Variants in UMAD1 observed in about 807,000 individuals in gnomAD.
UMAD1 encodes UBAP1-MVB12-associated (UMA)-domain containing protein 1.
UMAD1 carries 8 observed loss-of-function variants against 6.1 expected under a neutral mutation model. The observed-to-expected ratio is 1.30, with a 90% confidence interval of 0.76 to 2.35. UMAD1 has a LOEUF of 2.35. Ranked by LOEUF, UMAD1 falls within the 30% of genes most tolerant of loss-of-function variation. The pLI is 0.00. For missense variants in UMAD1, 130 were observed against 78.4 expected, an observed-to-expected ratio of 1.66 and a Z score of -2.49; for synonymous variants, 56 against 31.4, an observed-to-expected ratio of 1.78 and a Z score of -2.61.
intron 3 of UMAD1, among the ~76,000 whole-genome samples, chr7:7,810,795 ACAGT>A (rs753561582): frequency 5.3e-5 from 8 of 152,212 alleles, no homozygotes; most frequent in African/African-American, 9.6e-5. Context: ...AAATAGTGAA[ACAGT>A]CGGTCTGTTG....
chr7:7,760,412 A>AAATAATAATAATAAT (rs71014709), intron 2 of UMAD1, among the ~76,000 whole-genome samples: 6 of 142,704 alleles, frequency 4.2e-5, no homozygotes, highest in South Asian at 2.2e-4. Flanking sequence ...AAAAAATACA[A>AAATAATAATAATAAT]AATAATAATA....
chr7:7,657,938 C>A (rs1223183793), intron 1 of UMAD1, among the ~76,000 whole-genome samples: 1 of 152,154 alleles, frequency 6.6e-6, no homozygotes, highest in Non-Finnish European at 1.5e-5. Context: ...TTCTTCCTAT[C>A]CATGAGCATG....
At chr7:7,835,479 T>C (rs1783550081) in intron 3 of UMAD1, among the ~76,000 whole-genome samples, 2 of 71,418 alleles carry the variant, frequency 2.8e-5, no homozygotes, top group African/African-American at 5.5e-5. Flanking sequence ...TTTTTTTTTT[T>C]TTTTTTTTTT....
intron 2 of UMAD1, among the ~76,000 whole-genome samples, chr7:7,723,470 G>T (rs898973877): frequency 2.0e-5 from 3 of 152,148 alleles, no homozygotes; most frequent in African/African-American, 4.8e-5. Flanking sequence ...AATCTCCCTT[G>T]GTTTAATGTA....
At chr7:7,814,040 GT>G (rs1783076632) in intron 3 of UMAD1, among the ~76,000 whole-genome samples, 1 of 151,846 alleles carries the variant, frequency 6.6e-6, no homozygotes, top group Non-Finnish European at 1.5e-5. Context: ...CTGGAGCACA[GT>G]GGCGTGATCT....
At chr7:7,816,958 CT>C (rs1047112148) in intron 3 of UMAD1, among the ~76,000 whole-genome samples, 3 of 152,230 alleles carry the variant, frequency 2.0e-5, no homozygotes, top group African/African-American at 7.2e-5. Flanking sequence ...CTTCAGCTGC[CT>C]GTAGGATAAA....
chr7:7,805,499 C>G (rs991442163), intron 3 of UMAD1, among the ~76,000 whole-genome samples: 3 of 152,154 alleles, frequency 2.0e-5, no homozygotes, highest in Admixed American at 6.5e-5. Context: ...ACCCCTTTTA[C>G]TAGGGCCCCA....
intron 2 of UMAD1, among the ~76,000 whole-genome samples, chr7:7,699,100 C>T (rs1780393231): frequency 6.6e-6 from 1 of 151,760 alleles, no homozygotes; most frequent in Non-Finnish European, 1.5e-5. Flanking sequence ...TGATCTTTGC[C>T]TGCCTTGGCT....
chr7:7,794,631 A>G (rs1782637332), intron 2 of UMAD1, among the ~76,000 whole-genome samples: 1 of 152,204 alleles, frequency 6.6e-6, no homozygotes, highest in South Asian at 2.1e-4. Flanking sequence ...TCTTTGTAGC[A>G]GTAAGATACC....
At chr7:7,665,869 A>C (rs1278725188) in intron 1 of UMAD1, among the ~76,000 whole-genome samples, 1 of 144,352 alleles carries the variant, frequency 6.9e-6, no homozygotes, top group Non-Finnish European at 1.5e-5. Flanking sequence ...ATGTATCACT[A>C]TTTTGTTTCC....
Position 7,780,824 on chromosome 7 carries a change from T to C in UMAD1, c.83-20846T>C, listed in dbSNP as rs574468693. On this transcript the variant is annotated intron_variant, in intron 2 of 3. Coordinates refer to ENST00000682710, the MANE Select transcript of UMAD1 (RefSeq NM_001302348.2). ...GTTTGTTATTCTCACTGTTATATGA[T>C]ATTATATTGTGTGTTTATGCATTAA... is the stretch of plus-strand genomic sequence containing the variant. Among the ~76,000 whole-genome samples, 18 of 152,356 alleles carry C rather than the reference T, an allele frequency of 1.2e-4. No homozygotes were observed. The East Asian group carries it at 3.5e-3, about 29-fold the overall frequency.
chr7:7,757,484 T>C (rs1476237811), intron 2 of UMAD1, among the ~76,000 whole-genome samples: 1 of 152,256 alleles, frequency 6.6e-6, no homozygotes, highest in Non-Finnish European at 1.5e-5. Flanking sequence ...TTGTGCTGTG[T>C]TGCAGAAGGA....
At chr7:7,783,061 A>G (rs1426418072) in intron 2 of UMAD1, among the ~76,000 whole-genome samples, 1 of 152,196 alleles carries the variant, frequency 6.6e-6, no homozygotes, top group Non-Finnish European at 1.5e-5. Context: ...GTGGACCTAC[A>G]TACTCACTGG....
At chr7:7,791,007 C>T (rs906611336) in intron 2 of UMAD1, among the ~76,000 whole-genome samples, 1 of 152,214 alleles carries the variant, frequency 6.6e-6, no homozygotes, top group African/African-American at 2.4e-5. Context: ...CCTCCTGTCT[C>T]AGCCCCCAAG....
intron 2 of UMAD1, among the ~76,000 whole-genome samples, chr7:7,774,443 T>C (rs1782161165): frequency 6.6e-6 from 1 of 152,176 alleles, no homozygotes; most frequent in South Asian, 2.1e-4. Flanking sequence ...CCTCACTTTC[T>C]GTTTCTTCAT....
intron 2 of UMAD1, among the ~76,000 whole-genome samples, chr7:7,733,654 C>T (rs1781296794): frequency 1.3e-5 from 2 of 149,156 alleles, no homozygotes; most frequent in South Asian, 4.4e-4. Flanking sequence ...CCAGTCATGT[C>T]AATTGAAGTT....
intron 2 of UMAD1, among the ~76,000 whole-genome samples, chr7:7,737,550 A>C (rs1781385066): frequency 6.6e-6 from 1 of 152,208 alleles, no homozygotes; most frequent in Non-Finnish European, 1.5e-5. Flanking sequence ...AGCATGAATG[A>C]AGAACTTAAC....
intron 2 of UMAD1, among the ~76,000 whole-genome samples, chr7:7,778,263 T>TGAGAGAGA (rs1342531151): frequency 3.3e-4 from 45 of 135,864 alleles, no homozygotes; most frequent in African/African-American, 1.3e-3. Flanking sequence ...TGTGTGTGTG[T>TGAGAGAGA]GTGTGTGTGT....
chr7:7,642,255 C>T (rs781251005), intron 1 of UMAD1, among the ~76,000 whole-genome samples: 25 of 132,082 alleles, frequency 1.9e-4, no homozygotes, highest in Admixed American at 6.6e-4. Flanking sequence ...TCACCTCAGC[C>T]TGCCAAGTAG....
Sources: allele counts gnomAD v4.1 joint callset (sites outside exome capture counted in the v4.1 genomes callset), GRCh38; gene constraint gnomAD v4.1.1; transcripts MANE v1.5; gene names NCBI Gene and HGNC (gene_info 2026-07-23, HGNC 2026-07-21).